Variants in CDH4 observed in about 807,000 individuals in gnomAD.
The protein encoded by CDH4 is cadherin 4, also known as cadherin-4.
In CDH4, 33 loss-of-function variants were observed where a neutral mutation model predicts 86.0. The ratio of observed to expected loss-of-function variants is 0.38; its 90% CI spans 0.29 to 0.51. The LOEUF is 0.51. Among genes scored for constraint, CDH4 ranks in the 20% least tolerant of loss-of-function variants. CDH4 has a pLI of 0.86. For missense variants in CDH4, 1,114 were observed against 1,307.4 expected (o/e 0.85, Z 2.28); for synonymous variants, 555 against 549.4 (o/e 1.01, Z -0.14).
At chr20:61,257,869 G>A (rs913848934) in intron 2 of CDH4, among the ~76,000 whole-genome samples, 2 of 152,220 alleles carry the variant, frequency 1.3e-5, no homozygotes, top group African/African-American at 2.4e-5. Context: ...TCGTAGAGGC[G>A]GGAGAGTCCT....
At chr20:61,627,142 G>A (rs1024184977) in intron 2 of CDH4, among the ~76,000 whole-genome samples, 2 of 152,122 alleles carry the variant, frequency 1.3e-5, no homozygotes, top group African/African-American at 2.4e-5. Context: ...AGGGGCACAC[G>A]CATGATAAAT....
At chr20:61,916,431 A>G (rs1324310274) in intron 9 of CDH4, among the ~76,000 whole-genome samples, 1 of 152,266 alleles carries the variant, frequency 6.6e-6, no homozygotes, top group Non-Finnish European at 1.5e-5. Context: ...CTCACACTGA[A>G]ATAGACCCTG....
At chr20:61,424,165 C>T (rs570876764) in intron 2 of CDH4, among the ~76,000 whole-genome samples, 10 of 151,002 alleles carry the variant, frequency 6.6e-5, no homozygotes, top group Admixed American at 6.6e-4. Context: ...CATATCCACA[C>T]ATATGTATCC....
rs1403154529 is a variant in CDH4 at position 61,807,753 on chromosome 20, A to T, written c.576+34571A>T. ...TCGGAAAATGCCTGGCGCCAGTAGG[A>T]GGCCCAGCTAGCTGGGAGTTCTGAA... On this transcript the variant is annotated intron_variant, in intron 4 of 15. Transcript: ENST00000614565. This position sits in a 1 kb window ranked among gnomAD's most constrained non-coding sequence, Gnocchi z 4.5. 6.6e-6 allele frequency among the ~76,000 whole-genome samples: 1 copy of T among 152,224 alleles called. No homozygotes were observed. The highest frequency in any genetic ancestry group is 2.4e-5 in the African/African-American group (1 of 41,464).
intron 4 of CDH4, among the ~76,000 whole-genome samples, chr20:61,794,278 G>A (rs1020539861): frequency 1.3e-5 from 2 of 152,164 alleles, no homozygotes; most frequent in African/African-American, 4.8e-5. Context: ...ACACAGGGTG[G>A]GGCAGGGAAG....
At chr20:61,626,952 C>T (rs572800563) in intron 2 of CDH4, among the ~76,000 whole-genome samples, 36 of 152,214 alleles carry the variant, frequency 2.4e-4, no homozygotes, top group Middle Eastern at 3.4e-3. Flanking sequence ...AATCCTCTTC[C>T]GAATCCTGTA....
chr20:61,346,709 A>G (rs1252818500), intron 2 of CDH4, among the ~76,000 whole-genome samples: 1 of 149,102 alleles, frequency 6.7e-6, no homozygotes, highest in African/African-American at 2.5e-5. Flanking sequence ...ACACCACTGC[A>G]CTCCAGCCTG....
At chr20:61,765,591 G>A (rs1033545439) in intron 3 of CDH4, among the ~76,000 whole-genome samples, 1 of 152,204 alleles carries the variant, frequency 6.6e-6, no homozygotes, top group Non-Finnish European at 1.5e-5. Flanking sequence ...AGGAGGAGGA[G>A]GACGGTGTCT....
At chr20:61,281,269 G>A (rs1445091732) in intron 2 of CDH4, among the ~76,000 whole-genome samples, 1 of 152,190 alleles carries the variant, frequency 6.6e-6, no homozygotes, top group African/African-American at 2.4e-5. Context: ...GATGGTGTTA[G>A]CAGGTGGGGC....
chr20:61,907,799 G>A (rs982031922), intron 8 of CDH4, among the ~76,000 whole-genome samples: 18 of 152,192 alleles, frequency 1.2e-4, no homozygotes, highest in African/African-American at 3.6e-4. Context: ...ACTAGACATC[G>A]GGAGTGGTGG....
At chr20:61,770,676 G>T (rs937916032) in intron 3 of CDH4, among the ~76,000 whole-genome samples, 1 of 152,332 alleles carries the variant, frequency 6.6e-6, no homozygotes, top group African/African-American at 2.4e-5. Context: ...AAGGTCAGGA[G>T]ATCGAGACCA....
intron 8 of CDH4, among the ~76,000 whole-genome samples, chr20:61,906,028 TC>T (rs1429119885): frequency 2.6e-5 from 4 of 152,072 alleles, no homozygotes; most frequent in African/African-American, 9.7e-5. Flanking sequence ...GAATGGCGGC[TC>T]CCAACCAACC....
intron 8 of CDH4, among the ~76,000 whole-genome samples, chr20:61,905,132 C>T (rs2054774978): frequency 6.6e-6 from 1 of 152,218 alleles, no homozygotes; most frequent in Non-Finnish European, 1.5e-5. Flanking sequence ...TAAAATTTCT[C>T]CTTTCCCAAA....
rs1348520850 is a variant in CDH4 at position 61,517,986 on chromosome 20, C to T, written c.170-225577C>T. Among the ~76,000 whole-genome samples the T allele has an allele frequency of 6.7e-6, 1 of 149,196 alleles. No homozygotes were observed. The highest frequency in any genetic ancestry group is 1.5e-5 in the Non-Finnish European group (1 of 67,758). Reference sequence around the variant, plus strand: ...ATGGGCCTCTCGTGTGGGGCTGGGGCAGGAGCTGCCTGCCTCCCCGTGCGG... The same window carrying T: ...ATGGGCCTCTCGTGTGGGGCTGGGGTAGGAGCTGCCTGCCTCCCCGTGCGG... On this transcript the variant is annotated intron_variant, in intron 2 of 15. Transcript: ENST00000614565. This position sits in a 1 kb window ranked among gnomAD's most constrained non-coding sequence, Gnocchi z 6.6.
chr20:61,411,306 C>A (rs1479654339), intron 2 of CDH4, among the ~76,000 whole-genome samples: 1 of 149,240 alleles, frequency 6.7e-6, no homozygotes, highest in Non-Finnish European at 1.5e-5. Context: ...GCCTTCATTA[C>A]ATCCCCACTG....
At chr20:61,645,644 A>G (rs993453711) in intron 2 of CDH4, among the ~76,000 whole-genome samples, 1 of 143,144 alleles carries the variant, frequency 7.0e-6, no homozygotes, top group Admixed American at 6.9e-5. Context: ...AAAAAAAAAA[A>G]ATTAACTGCT....
At chr20:61,358,064 G>A (rs147368918) in intron 2 of CDH4, among the ~76,000 whole-genome samples, 9 of 152,084 alleles carry the variant, frequency 5.9e-5, no homozygotes, top group African/African-American at 2.2e-4. Flanking sequence ...CTTCCCTGTC[G>A]CTCTGGGAAG....
At chr20:61,840,185 G>C (rs1405525339) in intron 4 of CDH4, among the ~76,000 whole-genome samples, 1 of 152,170 alleles carries the variant, frequency 6.6e-6, no homozygotes, top group East Asian at 1.9e-4. Context: ...CTGACTGAGA[G>C]AGACCTTCCC....
intron 5 of CDH4, among the ~76,000 whole-genome samples, chr20:61,851,939 A>G (rs1031341261): frequency 6.6e-6 from 1 of 152,266 alleles, no homozygotes; most frequent in South Asian, 2.1e-4. Flanking sequence ...CTGCCATTGC[A>G]GGCCCTTGAT....
Sources: gnomAD v4.1 joint callset for allele counts (sites outside exome capture counted in the v4.1 genomes callset) on GRCh38, gnomAD v4.1.1 for gene constraint, Gnocchi (gnomAD v3.1) non-coding constraint, MANE v1.5 for transcripts, NCBI Gene and HGNC (gene_info 2026-07-23, HGNC 2026-07-21) for gene names.